FRMD4A: variants seen among roughly 807,000 people sequenced by gnomAD.
FRMD4A encodes the protein FERM domain-containing protein 4A.
A neutral mutation model predicts 129.1 loss-of-function variants in FRMD4A; 29 were observed. The ratio of observed to expected loss-of-function variants is 0.22; its 90% CI spans 0.17 to 0.31. The LOEUF (loss-of-function observed/expected upper bound fraction) is 0.31, where lower values mean the gene tolerates loss of function less well. Among genes scored for constraint, FRMD4A ranks in the 10% least tolerant of loss-of-function variants. FRMD4A has a pLI of 1.00. For missense variants in FRMD4A, 1,272 were observed against 1,375.8 expected (o/e 0.92, Z 1.19); for synonymous variants, 634 against 571.6 (o/e 1.11, Z -1.56).
rs541792767 is a variant in FRMD4A at position 14,263,351 on chromosome 10, T to G, written c.45+66707A>C. Among the ~76,000 whole-genome samples the G allele has an allele frequency of 1.5e-4, 23 of 152,300 alleles. No individual in the cohort carries two copies. In the South Asian group the frequency reaches 4.8e-3, roughly 32 times the overall value. ...AGGAGGGGGAAGGGGACGGGCCCCA[T>G]AAATCACTTGCAAGGCTGCCGGCCA... On this transcript the variant is annotated intron_variant, in intron 2 of 24. Transcript: ENST00000357447.
chr10:13,656,623 C>T lies in FRMD4A; in HGVS notation c.2953+13G>A, dbSNP rs574078315. ...TCAGGTCTTCCCGCGTGCACCTGGC[C>T]GCCCCCTCTCACCTGACGTGGCCTT... is the stretch of plus-strand genomic sequence containing the variant. On this transcript the variant is annotated intron_variant, in intron 22 of 24. Coordinates refer to ENST00000357447, the MANE Select transcript of FRMD4A (RefSeq NM_018027.5). 51 of 1,392,062 alleles carry T rather than the reference C, an allele frequency of 3.7e-5. No individual in the cohort carries two copies. The highest frequency in any genetic ancestry group is 1.5e-4 in the South Asian group (8 of 55,098). 86.2% of individuals were successfully genotyped at this position (1,392,062 alleles called of 1,614,324 possible).
intron 16 of FRMD4A, among the ~76,000 whole-genome samples, chr10:13,672,822 C>T (rs1026305770): frequency 4.6e-5 from 7 of 152,182 alleles, no homozygotes; most frequent in Non-Finnish European, 7.3e-5. Context: ...GACCTCCCCC[C>T]AGCCCTTGAC....
intron 2 of FRMD4A, among the ~76,000 whole-genome samples, chr10:14,249,034 G>A (rs116266784): frequency 3.7e-4 from 57 of 152,286 alleles, no homozygotes; most frequent in African/African-American, 1.3e-3. Context: ...CCCTTTTACA[G>A]ATGACAAAAC....
At chr10:14,166,028 A>G (rs1397961181) in intron 2 of FRMD4A, among the ~76,000 whole-genome samples, 2 of 152,122 alleles carry the variant, frequency 1.3e-5, no homozygotes, top group Non-Finnish European at 2.9e-5. Flanking sequence ...AACTGTCTTC[A>G]TAGTAAATGC....
intron 2 of FRMD4A, among the ~76,000 whole-genome samples, chr10:13,967,508 C>T (rs2095492789): frequency 6.6e-6 from 1 of 152,128 alleles, no homozygotes; most frequent in Admixed American, 6.5e-5. Context: ...ACTAACACCA[C>T]CTGTTCCCCA....
At position 13,844,398 on chromosome 10, in the gene FRMD4A, C is replaced by A. The variant is rs188400562; in HGVS notation, c.111+14449G>T. ...TCATTATCCTTTTGGAGGATTATTA[C>A]AGTTCTAAAACACCTTTGTATCAAT... On this transcript the variant is annotated intron_variant, in intron 3 of 24. Coordinates refer to ENST00000357447, the MANE Select transcript of FRMD4A (RefSeq NM_018027.5). 2.0e-3 allele frequency among the ~76,000 whole-genome samples: 308 copies of A among 152,208 alleles called. 5 individuals are homozygous for A. The highest frequency in any genetic ancestry group is 0.015 in the Admixed American group (227 of 15,274).
At chr10:13,888,399 C>T (rs1405357472) in intron 2 of FRMD4A, among the ~76,000 whole-genome samples, 2 of 152,168 alleles carry the variant, frequency 1.3e-5, no homozygotes, top group South Asian at 2.1e-4. Flanking sequence ...TTGTTCCTTT[C>T]ATGACATTTC....
intron 2 of FRMD4A, among the ~76,000 whole-genome samples, chr10:14,101,237 G>A (rs1426501029): frequency 6.6e-6 from 1 of 152,132 alleles, no homozygotes; most frequent in East Asian, 1.9e-4. Context: ...CAATATTATA[G>A]CACATGACGA....
chr10:14,313,935 A>G (rs1846645530), intron 2 of FRMD4A, among the ~76,000 whole-genome samples: 1 of 152,250 alleles, frequency 6.6e-6, no homozygotes, highest in South Asian at 2.1e-4. Flanking sequence ...CCCAGCCTCC[A>G]TGATAACTGC....
At chr10:13,943,002 T>G (rs2095304923) in intron 2 of FRMD4A, among the ~76,000 whole-genome samples, 1 of 152,038 alleles carries the variant, frequency 6.6e-6, no homozygotes, top group African/African-American at 2.4e-5. Flanking sequence ...AGACGTCTTG[T>G]GGTTTGTTTC....
chr10:13,796,741 G>C (rs928800543), intron 4 of FRMD4A, among the ~76,000 whole-genome samples, 153 bp from the exon 5 acceptor site: 1 of 151,870 alleles, frequency 6.6e-6, no homozygotes, highest in African/African-American at 2.4e-5. Flanking sequence ...ATTTTTTTGA[G>C]ACTAAGTCTT....
At chr10:13,818,492 A>T (rs117263308) in intron 3 of FRMD4A, among the ~76,000 whole-genome samples, 3 of 152,074 alleles carry the variant, frequency 2.0e-5, no homozygotes, top group African/African-American at 7.2e-5. Flanking sequence ...GTTATTATTA[A>T]ATTTAGCTTC....
At chr10:13,696,678 A>C (rs934448471) in intron 14 of FRMD4A, among the ~76,000 whole-genome samples, 1 of 152,122 alleles carries the variant, frequency 6.6e-6, no homozygotes, top group Non-Finnish European at 1.5e-5. Context: ...CGGGAGGCGG[A>C]GGTTGCAGTG....
chr10:13,785,059 T>C (rs1318311187), intron 5 of FRMD4A, among the ~76,000 whole-genome samples: 1 of 150,614 alleles, frequency 6.6e-6, no homozygotes, highest in Non-Finnish European at 1.5e-5. Context: ...TGCATAAACA[T>C]GAAGATAAAA....
chr10:13,654,354 ATCTGAACG>A, intron 23 of FRMD4A, 54 bp downstream of exon 23: 2 of 1,046,658 alleles, frequency 1.9e-6, no homozygotes, highest in East Asian at 4.7e-5. Context: ...TGTCACCAGG[ATCTGAACG>A]TCTATGACAC....
At chr10:14,077,469 G>A (rs1835679605) in intron 2 of FRMD4A, among the ~76,000 whole-genome samples, 1 of 152,162 alleles carries the variant, frequency 6.6e-6, no homozygotes, top group South Asian at 2.1e-4. Context: ...GGGTTGTTAT[G>A]AGACTTAAAG....
intron 3 of FRMD4A, among the ~76,000 whole-genome samples, chr10:13,847,638 C>T (rs756434872): frequency 2.5e-4 from 38 of 152,090 alleles, no homozygotes; most frequent in Admixed American, 2.2e-3. Context: ...CAAGAAAGGA[C>T]AGGGTCCAGC....
At chr10:13,718,557 G>T (rs1217379658) in intron 12 of FRMD4A, among the ~76,000 whole-genome samples, 1 of 152,248 alleles carries the variant, frequency 6.6e-6, no homozygotes, top group Non-Finnish European at 1.5e-5. Flanking sequence ...AAAGAAGTGA[G>T]GACTTCAGAT....
intron 3 of FRMD4A, among the ~76,000 whole-genome samples, chr10:13,833,825 G>A (rs780024452): frequency 3.9e-5 from 6 of 152,194 alleles, no homozygotes; most frequent in Admixed American, 1.3e-4. Flanking sequence ...AAGGTCACCC[G>A]GCTATGACAT....
Sources: gnomAD v4.1 joint callset for allele counts (sites outside exome capture counted in the v4.1 genomes callset) on GRCh38, gnomAD v4.1.1 for gene constraint, MANE v1.5 for transcripts, NCBI Gene and HGNC (gene_info 2026-07-23, HGNC 2026-07-21) for gene names.